Variants in NTF3 observed in about 807,000 individuals in gnomAD.
NTF3 encodes neurotrophin-3.
NTF3 carries 8 observed loss-of-function variants against 26.3 expected under a neutral mutation model. That is an observed-to-expected ratio of 0.30 (90% confidence interval 0.18 to 0.55). The LOEUF (loss-of-function observed/expected upper bound fraction) is 0.55. NTF3 is among the 20% of genes least tolerant of loss of function. The pLI, the probability that NTF3 is intolerant of heterozygous loss-of-function variation, is 0.93. For missense variants in NTF3, 276 were observed against 352.9 expected (o/e 0.78, Z 1.75); for synonymous variants, 154 against 145.5 (o/e 1.06, Z -0.42).
At chr12:5,434,103 C>T (rs1404428058) in intron 1 of NTF3, among the ~76,000 whole-genome samples, 1 of 152,170 alleles carries the variant, frequency 6.6e-6, no homozygotes, top group African/African-American at 2.4e-5. Flanking sequence ...AGTTCTCCAG[C>T]GTACTCAGCC....
At chr12:5,451,620 G>C (rs1281829349) in intron 1 of NTF3, among the ~76,000 whole-genome samples, 1 of 152,192 alleles carries the variant, frequency 6.6e-6, no homozygotes, top group Admixed American at 6.5e-5. Flanking sequence ...TTCTTTCTCT[G>C]TGTGTGCATG....
intron 1 of NTF3, among the ~76,000 whole-genome samples, chr12:5,484,707 G>C (rs567874154): frequency 6.6e-6 from 1 of 152,284 alleles, no homozygotes; most frequent in African/African-American, 2.4e-5. Flanking sequence ...TTGTCAGCAT[G>C]ACTGGGGTCA....
At chr12:5,467,490 G>A (rs540437811) in intron 1 of NTF3, among the ~76,000 whole-genome samples, 1 of 152,256 alleles carries the variant, frequency 6.6e-6, no homozygotes, top group African/African-American at 2.4e-5. Flanking sequence ...TAACTTACCT[G>A]TTCTTAGGAC....
rs1263244044 is a variant in NTF3, at chr12:5,456,391, C to G, written c.18+24049C>G. Among the ~76,000 whole-genome samples the G allele has an allele frequency of 6.6e-6, 1 of 152,174 alleles. No individual in the cohort carries two copies. The highest frequency in any genetic ancestry group is 1.9e-4 in the East Asian group (1 of 5,194). On this transcript the variant is annotated intron_variant, in intron 1 of 1. Coordinates refer to ENST00000423158, the MANE Select transcript of NTF3 (RefSeq NM_001102654.2). This position sits in a 1 kb window ranked among gnomAD's most constrained non-coding sequence, Gnocchi z 4.4. ...AGCGGCCTTTAGCTTCCTTTACTCA[C>G]CCCAGAAATCAGTGGGACCCTGGGA...
At chr12:5,459,993 G>A (rs1166418343) in intron 1 of NTF3, among the ~76,000 whole-genome samples, 1 of 152,128 alleles carries the variant, frequency 6.6e-6, no homozygotes, top group Non-Finnish European at 1.5e-5. Flanking sequence ...CTTCACAGAG[G>A]CAGAGCTAGT....
chr12:5,477,772 A>G (rs1056227891), intron 1 of NTF3, among the ~76,000 whole-genome samples: 1 of 152,132 alleles, frequency 6.6e-6, no homozygotes, highest in African/African-American at 2.4e-5. Context: ...GAGAAGATTA[A>G]TGTATCACAT....
chr12:5,459,017 A>T (rs1310573424), intron 1 of NTF3, among the ~76,000 whole-genome samples: 1 of 152,148 alleles, frequency 6.6e-6, no homozygotes, highest in Non-Finnish European at 1.5e-5. Flanking sequence ...CTCGCCCTAG[A>T]ACTGGGGGCC....
rs184607076 is a variant in NTF3 at position 5,476,162 on chromosome 12, G to T, written c.19-18032G>T. ...CTGGTTGACCCAGGGCAGTCCTACC[G>T]TGCAACCATTACCCCAACAAAATTA... On this transcript the variant is annotated intron_variant, in intron 1 of 1. Transcript: ENST00000423158. Among the ~76,000 whole-genome samples, 331 of 152,232 alleles carry T rather than the reference G, an allele frequency of 2.2e-3. 4 individuals carry two copies. The highest frequency in any genetic ancestry group is 2.4e-3 in the Non-Finnish European group (164 of 68,024).
intron 1 of NTF3, among the ~76,000 whole-genome samples, chr12:5,479,554 C>A (rs1443818546): frequency 6.6e-6 from 1 of 152,208 alleles, no homozygotes; most frequent in Non-Finnish European, 1.5e-5. Flanking sequence ...AGGAAGACTG[C>A]AGGATCAGGA....
chr12:5,432,556 TACACACAC>T (rs57075143), intron 1 of NTF3, among the ~76,000 whole-genome samples: 50,594 of 123,778 alleles, frequency 0.41, 10,554 homozygotes, highest in Middle Eastern at 0.5. Context: ...GCCACCCCGC[TACACACAC>T]ACACACACAC....
At chr12:5,483,348 AC>A (rs1315268931) in intron 1 of NTF3, among the ~76,000 whole-genome samples, 3 of 152,034 alleles carry the variant, frequency 2.0e-5, no homozygotes, top group Non-Finnish European at 4.4e-5. Context: ...CCTTCAGGAG[AC>A]CAACGGTGCC....
chr12:5,468,192 A>G (rs1189998857), intron 1 of NTF3, among the ~76,000 whole-genome samples: 1 of 152,186 alleles, frequency 6.6e-6, no homozygotes, highest in Admixed American at 6.5e-5. Flanking sequence ...GCTGTTTTAT[A>G]TATACACACT....
At chr12:5,435,369 A>G (rs764267960) in intron 1 of NTF3, among the ~76,000 whole-genome samples, 1 of 152,168 alleles carries the variant, frequency 6.6e-6, no homozygotes, top group Non-Finnish European at 1.5e-5. Context: ...AACTGATGCA[A>G]TTTTGCCAGA....
chr12:5,481,670 A>ATG, intron 1 of NTF3, among the ~76,000 whole-genome samples: 1 of 132,728 alleles, frequency 7.5e-6, no homozygotes, highest in South Asian at 2.7e-4. Flanking sequence ...ACACATGCAC[A>ATG]CACATGTATA....
intron 1 of NTF3, among the ~76,000 whole-genome samples, chr12:5,450,980 C>G (rs1156962958): frequency 6.6e-6 from 1 of 152,164 alleles, no homozygotes; most frequent in Non-Finnish European, 1.5e-5. Context: ...AGTGGTGGCA[C>G]CAAGCTTAGG....
intron 1 of NTF3, among the ~76,000 whole-genome samples, chr12:5,440,717 G>A (rs750040675): frequency 6.6e-6 from 1 of 152,132 alleles, no homozygotes; most frequent in Admixed American, 6.5e-5. Flanking sequence ...CTTTCCCTCC[G>A]TGGGCCTCTT....
At chr12:5,448,780 C>T (rs760732283) in intron 1 of NTF3, among the ~76,000 whole-genome samples, 1 of 152,120 alleles carries the variant, frequency 6.6e-6, no homozygotes, top group Non-Finnish European at 1.5e-5. Context: ...TCTGAGAGAA[C>T]TATGTGTGCT....
intron 1 of NTF3, among the ~76,000 whole-genome samples, chr12:5,469,519 C>G (rs1230471395): frequency 6.6e-6 from 1 of 152,094 alleles, no homozygotes; most frequent in Non-Finnish European, 1.5e-5. Context: ...CTGTGATTGT[C>G]ACAGTGCACA....
intron 1 of NTF3, among the ~76,000 whole-genome samples, chr12:5,478,844 C>G (rs780765571): frequency 6.6e-6 from 1 of 152,222 alleles, no homozygotes; most frequent in South Asian, 2.1e-4. Context: ...TCCTCATTGT[C>G]CCCTACTGTA....
Sources: gnomAD v4.1 joint callset for allele counts (sites outside exome capture counted in the v4.1 genomes callset) on GRCh38, gnomAD v4.1.1 for gene constraint, Gnocchi (gnomAD v3.1) non-coding constraint, MANE v1.5 for transcripts, NCBI Gene and HGNC (gene_info 2026-07-23, HGNC 2026-07-21) for gene names.